ZBTB7C: variants seen among roughly 807,000 people sequenced by gnomAD.
The protein encoded by ZBTB7C is zinc finger and BTB domain-containing protein 7C.
A neutral mutation model predicts 25.7 loss-of-function variants in ZBTB7C; 8 were observed. That is an observed-to-expected ratio of 0.31 (90% CI 0.18 to 0.56). The LOEUF is 0.56. Among genes scored for constraint, ZBTB7C ranks in the 20% least tolerant of loss-of-function variants. ZBTB7C has a pLI of 0.91. For missense variants in ZBTB7C, 824 were observed against 855.2 expected (o/e 0.96, Z 0.46); for synonymous variants, 394 against 369.0 (o/e 1.07, Z -0.78).
In ZBTB7C at chr18:48,387,770, G is replaced by A. The variant is rs368438149; in HGVS notation, c.-304+21456C>T. The stretch of plus-strand genomic sequence containing the variant: ...AATAAACAGTACCATTTGACAAAAA[G>A]CATGGTTTTCGCCCTCTATGCTGGT... On this transcript the variant is annotated intron_variant, in intron 1 of 4. Coordinates refer to ENST00000590800, the MANE Select transcript of ZBTB7C (RefSeq NM_001318841.2). Among the ~76,000 whole-genome samples the A allele has an allele frequency of 1.8e-3, 275 of 152,288 alleles. 2 individuals carry two copies. Among genetic ancestry groups the A allele is most frequent in the African/African-American group, 6.4e-3 (267 of 41,558 alleles).
At chr18:48,386,429 C>A (rs796353374) in intron 1 of ZBTB7C, among the ~76,000 whole-genome samples, 1 of 79,744 alleles carries the variant, frequency 1.3e-5, no homozygotes, top group Non-Finnish European at 3.0e-5. Context: ...CAGTGCTTAC[C>A]CTAGACAGTG....
chr18:48,207,615 A>ATCTATCTG (rs2042607972), intron 2 of ZBTB7C, among the ~76,000 whole-genome samples: 1 of 135,044 alleles, frequency 7.4e-6, no homozygotes, highest in East Asian at 1.9e-4. Context: ...CTATCTATCT[A>ATCTATCTG]TCCATCTAAA....
intron 2 of ZBTB7C, among the ~76,000 whole-genome samples, chr18:48,311,739 G>A (rs2045825572): frequency 6.6e-6 from 1 of 152,104 alleles, no homozygotes; most frequent in Admixed American, 6.5e-5. Context: ...GGGTCCCAAG[G>A]GCATGCATGG....
chr18:48,259,668 A>G (rs1438639342), intron 2 of ZBTB7C, among the ~76,000 whole-genome samples: 3 of 152,248 alleles, frequency 2.0e-5, no homozygotes, highest in African/African-American at 7.2e-5. Context: ...AAGCTCAACA[A>G]TAAGAAATCA....
chr18:48,089,190 C>T (rs1222100492), intron 3 of ZBTB7C, among the ~76,000 whole-genome samples: 4 of 152,086 alleles, frequency 2.6e-5, no homozygotes, highest in Admixed American at 6.5e-5. Flanking sequence ...AAGTTTAGGC[C>T]GGGTGCAGTG....
rs2035647007 is a variant in ZBTB7C at position 48,029,590 on chromosome 18, C to T, written c.1530G>A (p.Ala510=). 1.3e-6 allele frequency: 2 copies of T among 1,496,278 alleles called. No homozygotes were observed. The highest frequency in any genetic ancestry group is 2.4e-5 in the East Asian group (1 of 40,930). The allele number at this position is 1,496,278 out of a possible 1,614,324, so 92.7% of individuals were successfully genotyped here. Residue 510 remains alanine, a synonymous_variant, in exon 5 of 5, where the codon GCG becomes GCA. Coordinates refer to ENST00000590800, the MANE Select transcript of ZBTB7C (RefSeq NM_001318841.2). ...PDKAAFVMPP[A]LGEVGGHLGG... is the part of the protein sequence containing the mutation. ...CCAGGTGGCCGCCCACCTCGCCCAG[C>T]GCAGGGGGCATCACGAAGGCCGCCT...
chr18:48,222,933 G>A (rs974486284), intron 2 of ZBTB7C, among the ~76,000 whole-genome samples: 1 of 152,188 alleles, frequency 6.6e-6, no homozygotes, highest in African/African-American at 2.4e-5. Context: ...GCTAAATCCT[G>A]TAGGTCCAGG....
chr18:48,382,565 A>G (rs1180241292), intron 1 of ZBTB7C, among the ~76,000 whole-genome samples: 1 of 152,230 alleles, frequency 6.6e-6, no homozygotes, highest in Admixed American at 6.5e-5. Context: ...TCCTTCCTAC[A>G]TAAGAGAAAC....
chr18:48,098,596 T>C lies in ZBTB7C; in HGVS notation c.-16-57473A>G, dbSNP rs112140272. ...CTTCCTCGAATCCATTCTACCCGCCTAATTTCCTTCTGTGGATTCTCCGCT... is the reference window on the plus strand; with the variant it reads ...CTTCCTCGAATCCATTCTACCCGCCCAATTTCCTTCTGTGGATTCTCCGCT... On this transcript the variant is annotated intron_variant, in intron 3 of 4. Transcript: ENST00000590800. 1.2e-3 allele frequency among the ~76,000 whole-genome samples: 181 copies of C among 152,284 alleles called. 2 individuals are homozygous for C. The highest frequency in any genetic ancestry group is 4.1e-3 in the African/African-American group (170 of 41,552).
At chr18:48,350,811 A>T (rs10401105) in intron 1 of ZBTB7C, among the ~76,000 whole-genome samples, 90,073 of 151,836 alleles carry the variant, frequency 0.59, 27,336 homozygotes, top group East Asian at 0.95. Context: ...CTGTTCTGCA[A>T]CTTGTTTTTA....
At chr18:48,410,504 C>A (rs2048373027), upstream of ZBTB7C, among the ~76,000 whole-genome samples, 3 of 152,218 alleles carry the variant, frequency 2.0e-5, no homozygotes. Flanking sequence ...GCAGGAGAAT[C>A]TCGCTGGGAC....
intron 2 of ZBTB7C, among the ~76,000 whole-genome samples, chr18:48,243,255 C>T (rs2043578787): frequency 8.1e-6 from 1 of 123,692 alleles, no homozygotes; most frequent in South Asian, 3.1e-4. Flanking sequence ...CAGAGCAAGA[C>T]TCTCTACCCC....
chr18:48,142,010 G>A (rs1283459317), intron 3 of ZBTB7C, among the ~76,000 whole-genome samples: 2 of 152,198 alleles, frequency 1.3e-5, no homozygotes, highest in African/African-American at 4.8e-5. Context: ...GAACAGACAG[G>A]GAGCCACGAA....
chr18:48,369,181 G>C (rs1463446974), intron 1 of ZBTB7C, among the ~76,000 whole-genome samples: 1 of 152,000 alleles, frequency 6.6e-6, no homozygotes, highest in Non-Finnish European at 1.5e-5. Flanking sequence ...AAATATAAGA[G>C]GCAATAAGGT....
chr18:48,387,724 A>T (rs2145237638), intron 1 of ZBTB7C, among the ~76,000 whole-genome samples: 1 of 152,348 alleles, frequency 6.6e-6, no homozygotes, highest in South Asian at 2.1e-4. Context: ...AGAAGCGGCA[A>T]ACCAGCTGAC....
intron 3 of ZBTB7C, among the ~76,000 whole-genome samples, chr18:48,167,469 G>A (rs906346186): frequency 6.6e-6 from 1 of 152,120 alleles, no homozygotes; most frequent in African/African-American, 2.4e-5. Context: ...TGGCACTAAG[G>A]TATGGGGGAC....
intron 3 of ZBTB7C, among the ~76,000 whole-genome samples, chr18:48,117,334 A>C (rs773212805): frequency 7.2e-5 from 11 of 152,232 alleles, no homozygotes; most frequent in Admixed American, 6.5e-4. Context: ...AGAGGCGTGA[A>C]TAAATGCTGA....
chr18:48,327,165 T>A (rs2046238741), intron 2 of ZBTB7C, among the ~76,000 whole-genome samples: 2 of 152,064 alleles, frequency 1.3e-5, no homozygotes, highest in African/African-American at 4.8e-5. Flanking sequence ...TGTCTCTTCG[T>A]GGAAAAGATT....
chr18:48,139,419 A>G (rs552371644), intron 3 of ZBTB7C, among the ~76,000 whole-genome samples: 1 of 152,082 alleles, frequency 6.6e-6, no homozygotes, highest in African/African-American at 2.4e-5. Context: ...AGGGGTGCAC[A>G]GAGTTGAGGT....
Sources: allele counts gnomAD v4.1 joint callset (sites outside exome capture counted in the v4.1 genomes callset), GRCh38; gene constraint gnomAD v4.1.1; transcripts MANE v1.5; gene names NCBI Gene and HGNC (gene_info 2026-07-23, HGNC 2026-07-21).